DRC5: variants seen among roughly 807,000 people sequenced by gnomAD.
The protein encoded by DRC5 is T-complex-associated testis-expressed protein 1.
At chr6:44,285,594 C>A in the DRC5 span, among the ~76,000 whole-genome samples, 1 of 152,212 alleles carries the variant, frequency 6.6e-6, no homozygotes, top group Non-Finnish European at 1.5e-5. Flanking sequence ...TTTGCTACAT[C>A]TGGCAACCCT....
At chr6:44,285,546 C>T in the DRC5 span, among the ~76,000 whole-genome samples, 5 of 152,184 alleles carry the variant, frequency 3.3e-5, no homozygotes, top group African/African-American at 1.2e-4. Flanking sequence ...CGTGCCTGGA[C>T]CTGAAATTCA....
chr6:44,292,782 C>A, the DRC5 span, among the ~76,000 whole-genome samples: 1 of 152,134 alleles, frequency 6.6e-6, no homozygotes, highest in Non-Finnish European at 1.5e-5. Flanking sequence ...TCTCTCCACA[C>A]GTACAAGGTC....
At chr6:44,287,207 A>G in the DRC5 span, 1 of 985,416 alleles carries the variant, frequency 1.0e-6, no homozygotes, top group Non-Finnish European at 1.2e-6. Flanking sequence ...GGAAGACTCC[A>G]TCAGAGTAGA....
chr6:44,288,993 CAAAAAAA>C, the DRC5 span, among the ~76,000 whole-genome samples: 325 of 32,766 alleles, frequency 9.9e-3, 1 homozygote, highest in African/African-American at 0.052. Context: ...GACTCTGTCT[CAAAAAAA>C]AAAAAAAAAA....
At chr6:44,296,866 T>G in the DRC5 span, among the ~76,000 whole-genome samples, 3 of 17,518 alleles carry the variant, frequency 1.7e-4, no homozygotes, top group Non-Finnish European at 6.2e-4. Flanking sequence ...TGTCTTACTT[T>G]GGGGTAAGTC....
chr6:44,289,997 T>A, the DRC5 span, among the ~76,000 whole-genome samples: 3 of 152,162 alleles, frequency 2.0e-5, no homozygotes, highest in East Asian at 5.8e-4. Flanking sequence ...CTGCCAGGCA[T>A]CTCAAGGAGG....
At chr6:44,292,865 G>A in the DRC5 span, among the ~76,000 whole-genome samples, 3 of 152,154 alleles carry the variant, frequency 2.0e-5, no homozygotes, top group African/African-American at 7.2e-5. Context: ...CAGCATCCTG[G>A]TATCTTCAAT....
At chr6:44,289,045 T>C in the DRC5 span, among the ~76,000 whole-genome samples, 1 of 14,452 alleles carries the variant, frequency 6.9e-5, no homozygotes, top group African/African-American at 1.1e-4. Context: ...AAATTAGCTT[T>C]TTTTTTTTTT....
At chr6:44,296,829 C>T in the DRC5 span, among the ~76,000 whole-genome samples, 10 of 142,236 alleles carry the variant, frequency 7.0e-5, no homozygotes, top group South Asian at 2.3e-3. Flanking sequence ...TTGTCTACAG[C>T]CACCTCCATA....
chr6:44,290,279 C>T, the DRC5 span, among the ~76,000 whole-genome samples: 2 of 152,178 alleles, frequency 1.3e-5, no homozygotes, highest in African/African-American at 4.8e-5. Context: ...CCTATCTGAG[C>T]TTCAGTTTCC....
the DRC5 span, chr6:44,287,118 G>T: frequency 2.3e-6 from 2 of 881,396 alleles, no homozygotes; most frequent in Non-Finnish European, 2.7e-6. Flanking sequence ...TGGTAGGAGA[G>T]GCTGGCAGTC....
chr6:44,286,340 T>G, the DRC5 span: 2,913 of 1,613,846 alleles, frequency 1.8e-3, 21 homozygotes, highest in Non-Finnish European at 1.9e-3. Context: ...CAGGTGCCGC[T>G]CGAAGAACAT....
chr6:44,282,491 G>A, the DRC5 span: 1 of 1,609,540 alleles, frequency 6.2e-7, no homozygotes, highest in South Asian at 1.1e-5. Context: ...GGACTGGGTG[G>A]TCCAGAAGGC....
At chr6:44,280,755 A>G in the DRC5 span, among the ~76,000 whole-genome samples, 1 of 152,234 alleles carries the variant, frequency 6.6e-6, no homozygotes, top group African/African-American at 2.4e-5. Flanking sequence ...AAAAGGGAGC[A>G]GGTGTTCTCC....
the DRC5 span, chr6:44,282,675 G>T: frequency 1.3e-6 from 1 of 792,684 alleles, no homozygotes; most frequent in East Asian, 2.6e-5. Flanking sequence ...GGTCTTGGAG[G>T]GGGCCAGGCC....
chr6:44,282,104 G>A, the DRC5 span: 1 of 1,607,160 alleles, frequency 6.2e-7, no homozygotes, highest in African/African-American at 1.3e-5. Flanking sequence ...AGAATAGGTG[G>A]CTCACCAGCC....
At chr6:44,292,940 G>A in the DRC5 span, among the ~76,000 whole-genome samples, 1 of 152,194 alleles carries the variant, frequency 6.6e-6, no homozygotes, top group Non-Finnish European at 1.5e-5. Flanking sequence ...TCAGCTCTGA[G>A]AGCTAACTTG....
At chr6:44,280,412 A>G in the DRC5 span, 20 of 1,588,054 alleles carry the variant, frequency 1.3e-5, no homozygotes, top group Admixed American at 1.7e-5. Flanking sequence ...GTGCAAAGGA[A>G]GGGGTCATTT....
the DRC5 span, among the ~76,000 whole-genome samples, chr6:44,285,805 C>G: frequency 2.0e-5 from 3 of 152,206 alleles, no homozygotes; most frequent in East Asian, 5.8e-4. Flanking sequence ...CTCTACACCC[C>G]CAGAACCGTG....
Sources: allele counts gnomAD v4.1 joint callset (sites outside exome capture counted in the v4.1 genomes callset), GRCh38; gene constraint gnomAD v4.1.1; transcripts MANE v1.5; gene names NCBI Gene and HGNC (gene_info 2026-07-23, HGNC 2026-07-21).